The following SOD2 variants were observed in gnomAD, a reference collection of about 807,000 sequenced individuals.
SOD2 encodes the protein superoxide dismutase [Mn], mitochondrial.
In SOD2, 11 loss-of-function variants were observed where a neutral mutation model predicts 27.0. The observed-to-expected ratio is 0.41, with a 90% CI of 0.26 to 0.67. The LOEUF (loss-of-function observed/expected upper bound fraction) is 0.67. SOD2 is among the 30% of genes least tolerant of loss of function. The pLI is 0.34. For synonymous variants in SOD2, 105 were observed against 103.0 expected (o/e 1.02, Z -0.12); for missense variants, 250 against 274.5 (o/e 0.91, Z 0.63).
chr6:159,727,750 G>T (rs1331515270), upstream of SOD2: 63 of 983,526 alleles, frequency 6.4e-5, no homozygotes, highest in Non-Finnish European at 7.1e-5. Context: ...GACCTCCGGG[G>T]CCTGAGGGCT....
upstream of SOD2, among the ~76,000 whole-genome samples, chr6:159,693,943 C>T (rs1287098003): frequency 1.3e-5 from 2 of 152,232 alleles, no homozygotes; most frequent in Non-Finnish European, 2.9e-5. Flanking sequence ...CACGACGTGC[C>T]CGAGACTGCA....
intron 2 of SOD2, among the ~76,000 whole-genome samples, chr6:159,689,961 G>GA (rs534715127): frequency 1.1e-3 from 156 of 137,010 alleles, no homozygotes; most frequent in South Asian, 3.0e-3. Flanking sequence ...CTCCGTCACA[G>GA]AAAAAAAAAA....
At chr6:159,696,296 G>A (rs1166990750), upstream of SOD2, among the ~76,000 whole-genome samples, 1 of 152,076 alleles carries the variant, frequency 6.6e-6, no homozygotes, top group Non-Finnish European at 1.5e-5. Flanking sequence ...AAAAGTCTGG[G>A]CTCCCACTGT....
intron 1 of SOD2, chr6:159,725,663 C>T (rs914874973): frequency 6.6e-6 from 1 of 151,592 alleles, no homozygotes; most frequent in Non-Finnish European, 1.5e-5. Context: ...TTGTCTCCAC[C>T]CCCCACTCTT....
chr6:159,719,014 GACTT>G (rs902431149), intron 1 of SOD2, among the ~76,000 whole-genome samples: 2 of 151,258 alleles, frequency 1.3e-5, no homozygotes, highest in African/African-American at 2.4e-5. Context: ...ACAAAAGCTA[GACTT>G]ACTGTTTTTT....
chr6:159,755,572 C>G, intron 1 of SOD2: 4 of 1,613,792 alleles, frequency 2.5e-6, no homozygotes, highest in Non-Finnish European at 3.4e-6. Context: ...TTCAGAATGG[C>G]TTGGACTCAA....
intron 1 of SOD2, chr6:159,736,429 A>G (rs1331606041): frequency 1.1e-5 from 8 of 715,230 alleles, no homozygotes; most frequent in African/African-American, 1.8e-5. Flanking sequence ...CTTTATAACA[A>G]TAATAGCATT....
rs369148848 is a variant in SOD2 at position 159,736,336 on chromosome 6, T to G, written c.-116+8794A>C. On this transcript the variant is annotated intron_variant, in intron 1 of 3. Transcript: ENST00000537657. Reference sequence around the variant, plus strand: ...TTGGGTTTTTTTGTTTTGTTTTGGGTTTTTTGGGGGCTTTTTTAAGCACTT... The same window carrying G: ...TTGGGTTTTTTTGTTTTGTTTTGGGGTTTTTGGGGGCTTTTTTAAGCACTT... The G allele has an allele frequency of 1.5e-5, 23 of 1,507,210 alleles. No homozygotes were observed. The African/African-American group carries it at 1.7e-4, about 11-fold the overall frequency. The allele number at this position is 1,507,210 out of a possible 1,614,324, so 93.4% of individuals were successfully genotyped here. A position where few individuals can be genotyped will look rare whatever the true frequency, so the allele number is the denominator to read the frequency against.
chr6:159,743,625 A>T lies in SOD2; in HGVS notation c.-116+1505T>A, dbSNP rs764173508. On this transcript the variant is annotated intron_variant, in intron 1 of 3. Transcript: ENST00000537657. ...TCTTGACAGAGGTATTTAGAACTTG[A>T]TCTTAAAATTGTATTTATAATTTTT... 9.9e-5 allele frequency: 154 copies of T among 1,552,886 alleles called. 1 individual carries two copies. The Admixed American group carries it at 2.9e-3, about 29-fold the overall frequency.
Position 159,688,230 on chromosome 6 carries a change from G to T in SOD2, c.239C>A (p.Ala80Asp), listed in dbSNP as rs1157732337. 6.2e-7 allele frequency: 1 copy of T among 1,605,058 alleles called. No homozygotes were observed. The highest frequency in any genetic ancestry group is 1.1e-5 in the South Asian group (1 of 90,856). ...CAGTGCAGGCTGAAGAGCTATCTGGGCTGTAACATCTCCTGAAAAGTTAAA... is the reference window on the plus strand; with the variant it reads ...CAGTGCAGGCTGAAGAGCTATCTGGTCTGTAACATCTCCTGAAAAGTTAAA... ...QEALAKGDVT[A>D]QIALQPALKF... The change falls in exon 3 of 5, where the codon GCC (alanine) becomes GAC (aspartate). Residue 80 changes from alanine to aspartate, a missense_variant. Ala to Asp is a moderately radical substitution (Grantham distance 126, BLOSUM62 -2). Coordinates refer to ENST00000538183, the MANE Select transcript of SOD2 (RefSeq NM_000636.4).
intron 1 of SOD2, among the ~76,000 whole-genome samples, chr6:159,708,861 A>T (rs1258644031): frequency 2.6e-5 from 4 of 152,200 alleles, no homozygotes; most frequent in Non-Finnish European, 5.9e-5. Context: ...GCTGACTTCA[A>T]ACTATACTAC....
At chr6:159,746,063 C>T (rs903181433), upstream of SOD2, among the ~76,000 whole-genome samples, 1 of 152,154 alleles carries the variant, frequency 6.6e-6, no homozygotes, top group Non-Finnish European at 1.5e-5. Flanking sequence ...CCAGCATTCC[C>T]TCCTCCTTCC....
At chr6:159,720,912 A>G (rs1399193668) in intron 1 of SOD2, among the ~76,000 whole-genome samples, 1 of 117,242 alleles carries the variant, frequency 8.5e-6, no homozygotes, top group African/African-American at 3.2e-5. Context: ...GCTGTAGTGC[A>G]ATGGCGCGAT....
intron 1 of SOD2, among the ~76,000 whole-genome samples, chr6:159,718,700 T>G (rs1241698573): frequency 6.6e-6 from 1 of 152,192 alleles, no homozygotes; most frequent in Non-Finnish European, 1.5e-5. Context: ...GCTAGGAAGT[T>G]TGGTTTGGCT....
chr6:159,707,399 A>C (rs1777648023), intron 1 of SOD2, among the ~76,000 whole-genome samples: 1 of 152,200 alleles, frequency 6.6e-6, no homozygotes, highest in African/African-American at 2.4e-5. Flanking sequence ...AAGAGAGAAG[A>C]ATCAAATAGA....
intron 1 of SOD2, among the ~76,000 whole-genome samples, chr6:159,732,406 A>G (rs1013484848): frequency 2.6e-5 from 4 of 152,174 alleles, no homozygotes; most frequent in Non-Finnish European, 5.9e-5. Context: ...GATCTCTACC[A>G]CAGTACCTGT....
At chr6:159,694,156 G>GA (rs1777371263), upstream of SOD2, among the ~76,000 whole-genome samples, 1 of 152,174 alleles carries the variant, frequency 6.6e-6, no homozygotes. Flanking sequence ...AACTGTTCAG[G>GA]ATAACATAAA....
At chr6:159,695,698 G>A (rs919647706), upstream of SOD2, among the ~76,000 whole-genome samples, 1 of 152,026 alleles carries the variant, frequency 6.6e-6, no homozygotes, top group African/African-American at 2.4e-5. Context: ...GTTTCTTCAT[G>A]TTGCCCAGGC....
chr6:159,756,033 A>G (rs889844916), intron 1 of SOD2: 1 of 158,266 alleles, frequency 6.3e-6, no homozygotes, highest in African/African-American at 2.4e-5. Flanking sequence ...GACTTGTTAG[A>G]GTAGATGTGG....
Sources: gnomAD v4.1 joint callset for allele counts (sites outside exome capture counted in the v4.1 genomes callset) on GRCh38, gnomAD v4.1.1 for gene constraint, MANE v1.5 for transcripts, NCBI Gene and HGNC (gene_info 2026-07-23, HGNC 2026-07-21) for gene names.